Variants in CENPE observed in about 807,000 individuals in gnomAD.
CENPE encodes centromere protein E, also known as centromere-associated protein E.
Under a neutral mutation model 336.1 loss-of-function variants are expected in CENPE, and 145 were observed. That is an observed-to-expected ratio of 0.43 (90% CI 0.38 to 0.50). CENPE has a LOEUF of 0.50. Among genes scored for constraint, CENPE ranks in the 20% least tolerant of loss-of-function variants. The pLI, the probability that CENPE is intolerant of heterozygous loss-of-function variation, is 0.00. For missense variants in CENPE, 2,719 were observed against 3,023.3 expected (o/e 0.90, Z 2.36); for synonymous variants, 1,013 against 984.8 (o/e 1.03, Z -0.54).
At chr4:103,111,511 A>C (rs1749425516) in intron 46 of CENPE, among the ~76,000 whole-genome samples, 1 of 152,240 alleles carries the variant, frequency 6.6e-6, no homozygotes, top group Non-Finnish European at 1.5e-5. Context: ...CTATGTGTGT[A>C]AAGAGACTGT....
Position 103,163,549 on chromosome 4 carries a change from T to G in CENPE, c.1652A>C (p.Gln551Pro). ...ERKTKKDQEM[Q>P]LIHEISNLKN... ...TAAGTTCGAAATTTCATGAATTAGT[T>G]GCATCTGTAAGAGCATGTGAACAGG... Residue 551 changes from glutamine to proline, a missense_variant, in exon 17 of 49, where the codon CAA becomes CCA. Coordinates refer to ENST00000265148, the MANE Select transcript of CENPE (RefSeq NM_001813.3). The G allele has an allele frequency of 2.5e-6, 4 of 1,576,558 alleles. No homozygotes were observed. The highest frequency in any genetic ancestry group is 3.5e-6 in the Non-Finnish European group (4 of 1,158,148).
Position 103,163,191 on chromosome 4 carries a change from T to C in CENPE, c.1788A>G (p.Glu596=), listed in dbSNP as rs775249978. The C allele has an allele frequency of 4.4e-6, 7 of 1,607,850 alleles. No individual in the cohort carries two copies. Among genetic ancestry groups the C allele is most frequent in the Admixed American group, 3.3e-5 (2 of 59,882 alleles). Residue 596 remains glutamate (E), a synonymous_variant, in exon 18 of 49, where the codon GAA becomes GAG. Transcript: ENST00000265148. ...TTTCTAGCTTTTGAGAGTCTATGTA[T>C]TCCTGTAGCTTCTTAATCTGGTCTT... ...EKEDQIKKLQ[E]YIDSQKLENI...
rs953714276 is a variant in CENPE, at chr4:103,132,505, G to A, written c.6924+188C>T. On this transcript the variant is annotated intron_variant, in intron 42 of 48. Transcript: ENST00000265148. The stretch of plus-strand genomic sequence containing the variant: ...ACTAAATATTATACAACAAGATTTC[G>A]TTACCTTGATCAGTATGAATTGATA... Among the ~76,000 whole-genome samples, 19 of 152,090 alleles carry A rather than the reference G, an allele frequency of 1.2e-4. No homozygotes were observed. The South Asian group carries it at 1.9e-3, about 15-fold the overall frequency.
At position 103,136,222 on chromosome 4, in the gene CENPE, T is replaced by C; in HGVS notation, c.6441A>G (p.Leu2147=). The stretch of plus-strand genomic sequence containing the variant: ...AAAGTTTTTCAATGTGTTTGGTTTG[T>C]AAATAGGGAAGTGAGAGGTTTGCTT... The part of the protein sequence containing the change: ...RVKANLSLPY[L]QTKHIEKLFT... The change falls in exon 40 of 49, where the codon TTA becomes TTG. Residue 2147 remains leucine (L), a synonymous_variant. Coordinates refer to ENST00000265148, the MANE Select transcript of CENPE (RefSeq NM_001813.3). 6.2e-7 allele frequency: 1 copy of C among 1,613,910 alleles called. No individual in the cohort carries two copies. Among genetic ancestry groups the C allele is most frequent in the Non-Finnish European group, 8.5e-7 (1 of 1,179,856 alleles).
In CENPE at chr4:103,161,419, C is replaced by A. The variant is rs756036867; in HGVS notation, c.1881G>T (p.Leu627=). 9 of 1,612,536 alleles carry A rather than the reference C, an allele frequency of 5.6e-6. No homozygotes were observed. The highest frequency in any genetic ancestry group is 2.2e-5 in the South Asian group (2 of 90,812). ...IEDPKQMKQT[L]FDAETVALDA... is the part of the protein sequence containing the mutation. The stretch of plus-strand genomic sequence containing the variant: ...CAAGGGCTACAGTTTCAGCATCAAA[C>A]AGAGTCTGCTTCATTTGTTTTGGGT... Residue 627 remains leucine, a synonymous_variant, in exon 19 of 49, where the codon CTG becomes CTT. Coordinates refer to ENST00000265148, the MANE Select transcript of CENPE (RefSeq NM_001813.3).
chr4:103,160,123 A>G (rs1376044778), intron 21 of CENPE, among the ~76,000 whole-genome samples: 1 of 151,984 alleles, frequency 6.6e-6, no homozygotes. Context: ...TTTGCCATAC[A>G]GTAAGTACTC....
In CENPE at chr4:103,145,283, C is replaced by T. The variant is rs1752931271; in HGVS notation, c.4624G>A (p.Glu1542Lys). ...EEQFNIKQIS[E>K]VQEKVNELKQ... ...AGTTCATTCACTTTTTCCTGAACCTCACTAATTTGTTTTATATTAAATTGT... is the reference window on the plus strand; with the variant it reads ...AGTTCATTCACTTTTTCCTGAACCTTACTAATTTGTTTTATATTAAATTGT... Residue 1542 changes from glutamate (E) to lysine (K), a missense_variant, in exon 32 of 49, where the codon GAG becomes AAG. Transcript: ENST00000265148. 1 of 1,603,818 alleles carries T rather than the reference C, an allele frequency of 6.2e-7. No homozygotes were observed. Among genetic ancestry groups the T allele is most frequent in the African/African-American group, 1.3e-5 (1 of 74,730 alleles).
At chr4:103,177,224 T>C (rs1327633020) in intron 13 of CENPE, among the ~76,000 whole-genome samples, 178 bp from the exon 14 acceptor site, 2 of 152,126 alleles carry the variant, frequency 1.3e-5, no homozygotes, top group Non-Finnish European at 2.9e-5. Flanking sequence ...CTTGACTCTT[T>C]ACTTCACTCT....
In CENPE at chr4:103,163,251, T is replaced by C; in HGVS notation, c.1728A>G (p.Glu576=). 6.2e-7 allele frequency: 1 copy of C among 1,607,018 alleles called. No homozygotes were observed. The highest frequency in any genetic ancestry group is 8.5e-7 in the Non-Finnish European group (1 of 1,176,310). Residue 576 remains glutamate, a synonymous_variant, in exon 18 of 49, where the codon GAA becomes GAG. Coordinates refer to ENST00000265148, the MANE Select transcript of CENPE (RefSeq NM_001813.3). ...TAAGCAGCTCTACTTTTGAACTGAGTTCATTCTAAAAGAATCAAAGGAGAG... is the reference window on the plus strand; with the variant it reads ...TAAGCAGCTCTACTTTTGAACTGAGCTCATTCTAAAAGAATCAAAGGAGAG... The part of the protein sequence containing the change: ...AEVYNQDLEN[E]LSSKVELLRE...
Position 103,139,830 on chromosome 4 carries a change from T to C in CENPE, c.6163A>G (p.Arg2055Gly). The change falls in exon 38 of 49, where the codon AGG becomes GGG. Residue 2055 changes from arginine (R) to glycine (G), a missense_variant. Arg to Gly is a moderately radical substitution (Grantham distance 125). Transcript: ENST00000265148. ...RRIKESLKMERDQFIATLREM... is the reference protein window; with the variant it reads ...RRIKESLKMEGDQFIATLREM... The stretch of plus-strand genomic sequence containing the variant: ...CTTAAGGTTGCTATGAATTGGTCCC[T>C]TTCCATTTTGAGAGATTCTTTTATC... The C allele has an allele frequency of 6.2e-7, 1 of 1,612,456 alleles. No individual in the cohort carries two copies. Among genetic ancestry groups the C allele is most frequent in the Non-Finnish European group, 8.5e-7 (1 of 1,179,424 alleles).
At position 103,144,175 on chromosome 4, in the gene CENPE, A is replaced by T. The variant is rs561227439; in HGVS notation, c.5145+156T>A. Among the ~76,000 whole-genome samples, 6 of 152,206 alleles carry T rather than the reference A, an allele frequency of 3.9e-5. No individual in the cohort carries two copies. In the East Asian group the frequency reaches 1.2e-3, roughly 29 times the overall value. On this transcript the variant is annotated intron_variant, in intron 33 of 48. Transcript: ENST00000265148. ...ATGGTCTTGATCTCCTGACCTCGTG[A>T]TCTGCCCGCCCTGGCCTCCCAAAGT...
chr4:103,108,908 G>A lies in CENPE; in HGVS notation c.7906C>T (p.Pro2636Ser). The A allele has an allele frequency of 6.2e-7, 1 of 1,613,822 alleles. No homozygotes were observed. Among genetic ancestry groups the A allele is most frequent in the African/African-American group, 1.3e-5 (1 of 75,000 alleles). Residue 2636 changes from proline to serine, a missense_variant, in exon 48 of 49, where the codon CCA becomes TCA. Physicochemically the swap from Pro to Ser is moderately conservative, Grantham distance 74. Around this residue, in one of 5 missense-constraint regions of CENPE, gnomAD observed 2,437 missense variants for 2,513.3 expected, o/e 0.97. Transcript: ENST00000265148. The part of the protein sequence containing the change: ...CKERNLQDPV[P>S]KESPKSCFFD... ...AAACAAGATTTTGGTGATTCCTTTGGCACAGGATCTTGTAAATTCCGTTCC... is the reference window on the plus strand; with the variant it reads ...AAACAAGATTTTGGTGATTCCTTTGACACAGGATCTTGTAAATTCCGTTCC...
Position 103,196,795 on chromosome 4 carries a change from T to C in CENPE, c.112A>G (p.Ile38Val). 6.3e-7 allele frequency: 1 copy of C among 1,598,914 alleles called. No individual in the cohort carries two copies. Among genetic ancestry groups the C allele is most frequent in the Non-Finnish European group, 8.6e-7 (1 of 1,168,308 alleles). The part of the protein sequence containing the change: ...QVYWKTDNNV[I>V]YQVDGSKSFN... ...GATTTACTTCCATCAACTTGATAAATGACATTATTGTCAGTTTTCCAGTAA... is the reference window on the plus strand; with the variant it reads ...GATTTACTTCCATCAACTTGATAAACGACATTATTGTCAGTTTTCCAGTAA... Residue 38 changes from isoleucine to valine, a missense_variant, in exon 2 of 49, where the codon ATT becomes GTT. Ile to Val is a conservative substitution (Grantham distance 29). Coordinates refer to ENST00000265148, the MANE Select transcript of CENPE (RefSeq NM_001813.3).
At chr4:103,111,299 C>T (rs553326586) in intron 46 of CENPE, among the ~76,000 whole-genome samples, 81 of 152,320 alleles carry the variant, frequency 5.3e-4, no homozygotes, top group Non-Finnish European at 1.0e-3. Context: ...ATCCTCTCCA[C>T]TTACTGCTGT....
intron 16 of CENPE, among the ~76,000 whole-genome samples, chr4:103,172,400 T>C (rs996155026): frequency 4.6e-5 from 7 of 151,908 alleles, no homozygotes; most frequent in Non-Finnish European, 1.0e-4. Context: ...CAGAGTTCAA[T>C]ACCTCTTCAT....
Position 103,195,115 on chromosome 4 carries a change from T to C in CENPE, c.476A>G (p.Asn159Ser). The change falls in exon 5 of 49, where the codon AAT (asparagine) becomes AGT (serine). Residue 159 changes from asparagine (N) to serine (S), a missense_variant and splice_region_variant. Physicochemically the swap from Asn to Ser is conservative, Grantham distance 46. Coordinates refer to ENST00000265148, the MANE Select transcript of CENPE (RefSeq NM_001813.3). ...MKPLIIREDV[N>S]RNVYVADLTE... ...AGCTCCCTTAAGTCTGCTACTCACA[T>C]TGACATCTTCTCGAATAATTAAAGG... The C allele has an allele frequency of 6.3e-7, 1 of 1,580,198 alleles. No homozygotes were observed. Among genetic ancestry groups the C allele is most frequent in the Non-Finnish European group, 8.5e-7 (1 of 1,171,180 alleles).
At chr4:103,121,919 C>A (rs1158007035) in intron 43 of CENPE, among the ~76,000 whole-genome samples, 1 of 152,004 alleles carries the variant, frequency 6.6e-6, no homozygotes, top group Non-Finnish European at 1.5e-5. Context: ...GTACTAAATT[C>A]TCATACTTAA....
chr4:103,183,314 A>T, intron 9 of CENPE, 26 bp from the exon 10 acceptor site: 2 of 1,542,656 alleles, frequency 1.3e-6, no homozygotes. Context: ...AAATATGAAA[A>T]CTAAACTTGA....
rs781015188 is a variant in CENPE at position 103,140,028 on chromosome 4, C to A, written c.5965G>T (p.Val1989Phe). 6.2e-7 allele frequency: 1 copy of A among 1,612,088 alleles called. No homozygotes were observed. Among genetic ancestry groups the A allele is most frequent in the Non-Finnish European group, 8.5e-7 (1 of 1,178,932 alleles). ...ELQLLRVKEDVNMSHKKINEM... is the reference protein window; with the variant it reads ...ELQLLRVKEDFNMSHKKINEM... ...TTAATTTTTTTATGACTCATATTGACATCTTCTTTCACTCTAAGCAGTTGA... is the reference window on the plus strand; with the variant it reads ...TTAATTTTTTTATGACTCATATTGAAATCTTCTTTCACTCTAAGCAGTTGA... Residue 1989 changes from valine to phenylalanine, a missense_variant, in exon 38 of 49, where the codon GTC becomes TTC. Coordinates refer to ENST00000265148, the MANE Select transcript of CENPE (RefSeq NM_001813.3).
Sources: allele counts gnomAD v4.1 joint callset (sites outside exome capture counted in the v4.1 genomes callset), GRCh38; gene constraint gnomAD v4.1.1; regional missense constraint gnomAD v4.1.1; transcripts MANE v1.5; gene names NCBI Gene and HGNC (gene_info 2026-07-23, HGNC 2026-07-21).